Variants in FRAS1 observed in about 807,000 individuals in gnomAD.
FRAS1 encodes the protein extracellular matrix organizing protein FRAS1.
In FRAS1, 290 loss-of-function variants were observed where a neutral mutation model predicts 435.2. That is an observed-to-expected ratio of 0.67 (90% CI 0.61 to 0.73). The LOEUF is 0.73. FRAS1 is among the 30% of genes least tolerant of loss of function. The pLI is 0.00. For missense variants in FRAS1, 4,860 were observed against 5,001.5 expected (o/e 0.97, Z 0.85); for synonymous variants, 1,800 against 1,851.0 (o/e 0.97, Z 0.71).
At chr4:78,269,158 T>C (rs1363416151) in intron 9 of FRAS1, among the ~76,000 whole-genome samples, 5 of 152,244 alleles carry the variant, frequency 3.3e-5, no homozygotes, top group African/African-American at 1.2e-4. Context: ...ATGTACTAAC[T>C]TCCTAACTTC....
intron 6 of FRAS1, among the ~76,000 whole-genome samples, chr4:78,262,575 T>C (rs1578213604): frequency 6.6e-6 from 1 of 152,112 alleles, no homozygotes; most frequent in African/African-American, 2.4e-5. Flanking sequence ...TGGCAGGAGG[T>C]GGACTGTTTG....
At chr4:78,178,888 G>A (rs1022733560) in intron 2 of FRAS1, among the ~76,000 whole-genome samples, 13 of 152,296 alleles carry the variant, frequency 8.5e-5, no homozygotes, top group African/African-American at 3.1e-4. Context: ...CCTACATAGG[G>A]TGAGGTATAG....
chr4:78,499,341 A>T (rs1720607625), intron 60 of FRAS1, among the ~76,000 whole-genome samples: 1 of 152,172 alleles, frequency 6.6e-6, no homozygotes, highest in Admixed American at 6.5e-5. Context: ...TTTATGTGAC[A>T]GGTATTTATC....
In FRAS1 at chr4:78,482,594, G is replaced by A. The variant is rs76003712; in HGVS notation, c.8752+59G>A. On this transcript the variant is annotated intron_variant, in intron 58 of 73. Transcript: ENST00000512123. ...AATATATTTCTATTTTTTCTTTAACGTCCACATATGTGACATTGGAACTCA... is the reference window on the plus strand; with the variant it reads ...AATATATTTCTATTTTTTCTTTAACATCCACATATGTGACATTGGAACTCA... The A allele has an allele frequency of 2.2e-3, 3,401 of 1,523,502 alleles. 60 individuals are homozygous for A. In the African/African-American group the frequency reaches 0.042, roughly 19 times the overall value. 94.4% of individuals were successfully genotyped at this position (1,523,502 alleles called of 1,614,324 possible).
rs1307744169 is a variant in FRAS1, at chr4:78,421,757, AGAATG to A, written c.4541-105_4541-101del. On this transcript the variant is annotated intron_variant, in intron 33 of 73. Transcript: ENST00000512123. ...CAACCTGAGAACAGTCAGTTTCCGA[AGAATG>A]TCAGACTCCCACCAACAAGAAGAGC... 3.8e-6 allele frequency: 5 copies of A among 1,305,934 alleles called. No individual in the cohort carries two copies. The African/African-American group carries it at 7.3e-5, about 19-fold the overall frequency. The allele number at this position is 1,305,934 out of a possible 1,614,324, so 80.9% of individuals were successfully genotyped here.
At chr4:78,126,599 C>T (rs1038486846) in intron 2 of FRAS1, among the ~76,000 whole-genome samples, 1 of 152,178 alleles carries the variant, frequency 6.6e-6, no homozygotes, top group Non-Finnish European at 1.5e-5. Context: ...TCTTGATATT[C>T]TTTGTATTGA....
chr4:78,503,091 T>G (rs932458360), intron 61 of FRAS1, among the ~76,000 whole-genome samples: 8 of 152,200 alleles, frequency 5.3e-5, no homozygotes, highest in African/African-American at 1.9e-4. Context: ...GATAAGCTTT[T>G]TGATGTGCTG....
At chr4:78,215,970 GCTT>G (rs781315128) in intron 2 of FRAS1, among the ~76,000 whole-genome samples, 2 of 152,184 alleles carry the variant, frequency 1.3e-5, no homozygotes, top group Non-Finnish European at 2.9e-5. Context: ...GGAATTTAGT[GCTT>G]CTTCTTATTT....
chr4:78,239,241 T>C (rs1724898576), intron 3 of FRAS1, among the ~76,000 whole-genome samples: 1 of 152,128 alleles, frequency 6.6e-6, no homozygotes, highest in African/African-American at 2.4e-5. Flanking sequence ...GGCAACCCCA[T>C]TCTCCCAGTT....
intron 19 of FRAS1, 23 bp downstream of exon 19, chr4:78,333,435 C>T (rs771396616): frequency 1.2e-6 from 2 of 1,603,916 alleles, no homozygotes; most frequent in South Asian, 2.3e-5. Flanking sequence ...TGTGCTGAGG[C>T]ACATTGCCTA....
intron 53 of FRAS1, 22 bp downstream of exon 53, chr4:78,473,619 C>T: frequency 6.5e-7 from 1 of 1,541,202 alleles, no homozygotes; most frequent in Non-Finnish European, 8.8e-7. Flanking sequence ...ACTGTGCTTT[C>T]CTTCTTGAGA....
chr4:78,280,699 A>G (rs1272742710), intron 10 of FRAS1, among the ~76,000 whole-genome samples: 1 of 151,630 alleles, frequency 6.6e-6, no homozygotes, highest in Non-Finnish European at 1.5e-5. Flanking sequence ...TCAAATCTCT[A>G]CTTTGCTGTG....
At chr4:78,164,074 C>T (rs1051605411) in intron 2 of FRAS1, among the ~76,000 whole-genome samples, 1 of 152,170 alleles carries the variant, frequency 6.6e-6, no homozygotes, top group Non-Finnish European at 1.5e-5. Flanking sequence ...CTGCACTAGG[C>T]ACAGAAAGCT....
chr4:78,218,603 TC>T (rs1723907575), intron 2 of FRAS1, among the ~76,000 whole-genome samples: 1 of 152,202 alleles, frequency 6.6e-6, no homozygotes, highest in Admixed American at 6.5e-5. Flanking sequence ...AGAGAATTAC[TC>T]TGTAGAATGT....
chr4:78,487,381 C>T (rs1720202563), intron 58 of FRAS1, among the ~76,000 whole-genome samples: 1 of 152,162 alleles, frequency 6.6e-6, no homozygotes, highest in Admixed American at 6.6e-5. Flanking sequence ...TGCTTGGGTG[C>T]TTATCACCCC....
At position 78,364,463 on chromosome 4, in the gene FRAS1, A is replaced by G. The variant is rs566917013; in HGVS notation, c.2722+409A>G. ...ATCAGTGGACTAAGCACGTCTCTGGATTTAATTTGTTTTCTACATGTGTTT... is the reference window on the plus strand; with the variant it reads ...ATCAGTGGACTAAGCACGTCTCTGGGTTTAATTTGTTTTCTACATGTGTTT... On this transcript the variant is annotated intron_variant, in intron 22 of 73. Transcript: ENST00000512123. 2.6e-5 allele frequency among the ~76,000 whole-genome samples: 4 copies of G among 152,320 alleles called. 1 individual carries two copies. The South Asian group carries it at 8.3e-4, about 32-fold the overall frequency.
intron 27 of FRAS1, among the ~76,000 whole-genome samples, chr4:78,381,490 G>A (rs564225262): frequency 1.3e-5 from 2 of 152,236 alleles, no homozygotes; most frequent in East Asian, 1.9e-4. Context: ...GAGTTTCACT[G>A]TATTTGCCAG....
chr4:78,308,087 G>A lies in FRAS1; in HGVS notation c.1556G>A (p.Gly519Asp), dbSNP rs1427586994. The A allele has an allele frequency of 9.9e-6, 16 of 1,613,228 alleles. No homozygotes were observed. The highest frequency in any genetic ancestry group is 2.7e-5 in the African/African-American group (2 of 74,918). Reference sequence around the variant, plus strand: ...GCAGTCTGCCATGAGTCCTGTGCAGGTTGCTGGGGCCCAACGGAGAAGCAC... The same window carrying A: ...GCAGTCTGCCATGAGTCCTGTGCAGATTGCTGGGGCCCAACGGAGAAGCAC... The part of the protein sequence containing the change: ...SCAVCHESCA[G>D]CWGPTEKHCL... The change falls in exon 15 of 74, where the codon GGT (glycine) becomes GAT (aspartate). Residue 519 changes from glycine (G) to aspartate (D), a missense_variant. Gly to Asp is a moderately conservative substitution (Grantham distance 94). Transcript: ENST00000512123.
intron 25 of FRAS1, 114 bp downstream of exon 25, chr4:78,374,365 A>T: frequency 7.4e-6 from 8 of 1,074,892 alleles, no homozygotes; most frequent in South Asian, 2.1e-5. Flanking sequence ...ATGAAAGCCC[A>T]GAGGGCTTAG....
Sources: allele counts gnomAD v4.1 joint callset (sites outside exome capture counted in the v4.1 genomes callset), GRCh38; gene constraint gnomAD v4.1.1; transcripts MANE v1.5; gene names NCBI Gene and HGNC (gene_info 2026-07-23, HGNC 2026-07-21).